Variants in RIMS2 observed in about 807,000 individuals in gnomAD.
RIMS2 encodes the protein regulating synaptic membrane exocytosis protein 2.
Under a neutral mutation model 174.4 loss-of-function variants are expected in RIMS2, and 59 were observed. The observed-to-expected ratio is 0.34, with a 90% CI of 0.27 to 0.42. The LOEUF (loss-of-function observed/expected upper bound fraction) is 0.42. RIMS2 is among the 10% of genes least tolerant of loss of function. The probability of loss-of-function intolerance (pLI) is 1.00; values close to 1 mark genes in which losing one functional copy is unlikely to be tolerated. For missense variants in RIMS2, 1,620 were observed against 1,666.3 expected, an observed-to-expected ratio of 0.97 and a Z score of 0.48; for synonymous variants, 606 against 572.5, an observed-to-expected ratio of 1.06 and a Z score of -0.84.
chr8:103,543,302 C>T (rs1196407355), intron 1 of RIMS2, among the ~76,000 whole-genome samples: 1 of 151,670 alleles, frequency 6.6e-6, no homozygotes, highest in Admixed American at 6.6e-5. Flanking sequence ...ATAAATGTAA[C>T]CAAGGAGGTG....
intron 19 of RIMS2, among the ~76,000 whole-genome samples, chr8:104,213,684 C>T (rs2099115783): frequency 6.6e-6 from 1 of 152,190 alleles, no homozygotes; most frequent in Non-Finnish European, 1.5e-5. Flanking sequence ...AGACTTCATC[C>T]TGACCAACAC....
intron 2 of RIMS2, among the ~76,000 whole-genome samples, chr8:103,736,975 G>T (rs2097692716): frequency 6.6e-6 from 1 of 152,018 alleles, no homozygotes; most frequent in Non-Finnish European, 1.5e-5. Context: ...GAGAATAGAA[G>T]ATGGGAATAG....
intron 2 of RIMS2, among the ~76,000 whole-genome samples, chr8:103,740,774 A>C (rs1376468024): frequency 6.6e-6 from 1 of 152,294 alleles, no homozygotes; most frequent in East Asian, 1.9e-4. Flanking sequence ...AAATGTATCC[A>C]GTGGAATATA....
At chr8:103,875,122 T>G (rs1430819765) in intron 3 of RIMS2, among the ~76,000 whole-genome samples, 1 of 152,058 alleles carries the variant, frequency 6.6e-6, no homozygotes, top group Non-Finnish European at 1.5e-5. Flanking sequence ...GATTAAATTT[T>G]TTTATTTCTA....
intron 19 of RIMS2, among the ~76,000 whole-genome samples, chr8:104,229,266 G>T (rs1563885456): frequency 6.6e-6 from 1 of 151,946 alleles, no homozygotes; most frequent in Non-Finnish European, 1.5e-5. Context: ...TATTAAATAG[G>T]CCCCTATTTA....
At chr8:103,612,383 A>G (rs571587265) in intron 1 of RIMS2, among the ~76,000 whole-genome samples, 101 of 152,104 alleles carry the variant, frequency 6.6e-4, no homozygotes, top group South Asian at 3.5e-3. Flanking sequence ...AGAGTTAGGT[A>G]TTTATTGTAG....
chr8:103,856,454 A>G (rs2099028202), intron 3 of RIMS2, among the ~76,000 whole-genome samples: 1 of 152,220 alleles, frequency 6.6e-6, no homozygotes, highest in Non-Finnish European at 1.5e-5. Flanking sequence ...TGACTTTTAT[A>G]CTGGAATGGC....
chr8:103,633,790 C>G (rs1316286165), intron 1 of RIMS2, among the ~76,000 whole-genome samples: 1 of 152,140 alleles, frequency 6.6e-6, no homozygotes, highest in East Asian at 1.9e-4. Context: ...ATTTATCCAT[C>G]TCTTCTGAGT....
In RIMS2 at chr8:104,182,766, T is replaced by C. The variant is rs1339744952; in HGVS notation, c.3335-62150T>C. Reference sequence around the variant, plus strand: ...GTTGCCATCTTGGACAGTGTAGGTTTAGACTCTATCGGTTTTATAGGTGTG... The same window carrying C: ...GTTGCCATCTTGGACAGTGTAGGTTCAGACTCTATCGGTTTTATAGGTGTG... On this transcript the variant is annotated intron_variant, in intron 19 of 23. Transcript: ENST00000504942. Among the ~76,000 whole-genome samples, 21 of 151,760 alleles carry C rather than the reference T, an allele frequency of 1.4e-4. No homozygotes were observed. In the Admixed American group the frequency reaches 1.4e-3, roughly 10 times the overall value.
At chr8:103,560,486 C>G (rs749548351) in intron 1 of RIMS2, among the ~76,000 whole-genome samples, 5 of 152,200 alleles carry the variant, frequency 3.3e-5, no homozygotes, top group Admixed American at 1.3e-4. Flanking sequence ...AAACAATCTT[C>G]AGAAGGGAGC....
At chr8:104,069,318 T>A (rs2097157017) in intron 19 of RIMS2, among the ~76,000 whole-genome samples, 1 of 152,194 alleles carries the variant, frequency 6.6e-6, no homozygotes, top group Admixed American at 6.5e-5. Context: ...AAGCCCGTCA[T>A]GAAGCAAAGA....
chr8:103,692,267 G>T (rs748008227), intron 1 of RIMS2, among the ~76,000 whole-genome samples: 1 of 152,186 alleles, frequency 6.6e-6, no homozygotes, highest in Non-Finnish European at 1.5e-5. Flanking sequence ...GCTAAAGCCA[G>T]CCAGGCTTTT....
intron 19 of RIMS2, among the ~76,000 whole-genome samples, chr8:104,058,895 T>A (rs1597945627): frequency 6.6e-6 from 1 of 152,198 alleles, no homozygotes; most frequent in Non-Finnish European, 1.5e-5. Context: ...GCGGCGTTAT[T>A]TCTGAGGGCT....
intron 19 of RIMS2, among the ~76,000 whole-genome samples, chr8:104,062,246 A>C (rs1158533833): frequency 6.6e-6 from 1 of 152,062 alleles, no homozygotes; most frequent in Non-Finnish European, 1.5e-5. Flanking sequence ...TCTACAAAAA[A>C]TACAACAATT....
At chr8:103,662,392 T>C (rs1422972081) in intron 1 of RIMS2, among the ~76,000 whole-genome samples, 1 of 152,210 alleles carries the variant, frequency 6.6e-6, no homozygotes, top group Non-Finnish European at 1.5e-5. Context: ...AATGTAAATA[T>C]TGTTATCAGA....
chr8:104,077,220 T>C (rs1402454154), intron 19 of RIMS2, among the ~76,000 whole-genome samples: 1 of 152,082 alleles, frequency 6.6e-6, no homozygotes, highest in Non-Finnish European at 1.5e-5. Context: ...ATGATAATGA[T>C]GGTTGTGGTC....
intron 1 of RIMS2, among the ~76,000 whole-genome samples, chr8:103,560,334 G>T (rs377555494): frequency 2.0e-5 from 3 of 152,100 alleles, no homozygotes; most frequent in Non-Finnish European, 4.4e-5. Context: ...CCAAGATTGC[G>T]CCATTGCACT....
At chr8:103,803,427 T>C (rs1230194615) in intron 3 of RIMS2, among the ~76,000 whole-genome samples, 3 of 152,168 alleles carry the variant, frequency 2.0e-5, no homozygotes, top group African/African-American at 7.2e-5. Flanking sequence ...GAATTTTTGT[T>C]TATGTGGATT....
exon 10 of RIMS2, chr8:103,921,707 CCTT>C (rs2154529646): frequency 1.3e-6 from 2 of 1,558,278 alleles, no homozygotes; most frequent in East Asian, 2.3e-5. Flanking sequence ...AATGGATCGT[CCTT>C]CTATTTCTGT....
Sources: gnomAD v4.1 joint callset for allele counts (sites outside exome capture counted in the v4.1 genomes callset) on GRCh38, gnomAD v4.1.1 for gene constraint, MANE v1.5 for transcripts, NCBI Gene and HGNC (gene_info 2026-07-23, HGNC 2026-07-21) for gene names.